NLRX1: variants seen among roughly 807,000 people sequenced by gnomAD.
The protein encoded by NLRX1 is NOD-like receptor X1.
Under a neutral mutation model 74.2 loss-of-function variants are expected in NLRX1, and 67 were observed. The ratio of observed to expected loss-of-function variants is 0.90; its 90% CI spans 0.74 to 1.11. NLRX1 has a LOEUF of 1.11. Ranked by LOEUF, NLRX1 falls within the 50% of genes least tolerant of loss-of-function variation. NLRX1 has a pLI of 0.00. For synonymous variants in NLRX1, 506 were observed against 559.1 expected, an observed-to-expected ratio of 0.91 and a Z score of 1.34; for missense variants, 1,191 against 1,305.4, an observed-to-expected ratio of 0.91 and a Z score of 1.35.
intron 5 of NLRX1, 45 bp downstream of exon 5, chr11:119,174,143 C>T (rs764851429): frequency 2.6e-5 from 42 of 1,592,530 alleles, no homozygotes; most frequent in Middle Eastern, 1.7e-4. Flanking sequence ...CCCGTTGACT[C>T]GCCCCCTAGG....
rs556391080 is a variant in NLRX1 at position 119,174,665 on chromosome 11, C to T, written c.1062C>T (p.Leu354=). 1.9e-6 allele frequency: 3 copies of T among 1,614,016 alleles called. No homozygotes were observed. The highest frequency in any genetic ancestry group is 1.6e-4 in the Middle Eastern group (1 of 6,062). ...AGCGTGACCACCTGGTGCAGATGCT[C>T]TCCCGGAACCTGGAGGGGCACCACC... ...PAQRDHLVQM[L]SRNLEGHHQI... is the part of the protein sequence containing the mutation. The change falls in exon 6 of 10, where the codon CTC becomes CTT. Residue 354 remains leucine (L), a synonymous_variant. Coordinates refer to ENST00000409109, the MANE Select transcript of NLRX1 (RefSeq NM_001282144.2).
At chr11:119,175,295 A>AC in intron 6 of NLRX1, 21 bp downstream of exon 6, 1 of 1,592,578 alleles carries the variant, frequency 6.3e-7, no homozygotes. Flanking sequence ...GATCAAGGTA[A>AC]CCCCCCAACC....
rs1948879748 is a variant in NLRX1 at position 119,183,005 on chromosome 11, C to T, written c.2607-113C>T. 1.1e-6 allele frequency: 1 copy of T among 930,300 alleles called. No individual in the cohort carries two copies. The highest frequency in any genetic ancestry group is 1.6e-5 in the African/African-American group (1 of 60,756). 57.6% of individuals were successfully genotyped at this position (930,300 alleles called of 1,614,324 possible). On this transcript the variant is annotated intron_variant, in intron 9 of 9. Coordinates refer to ENST00000409109, the MANE Select transcript of NLRX1 (RefSeq NM_001282144.2). This position sits in a 1 kb window ranked among gnomAD's most constrained non-coding sequence, Gnocchi z 5.7. Reference sequence around the variant, plus strand: ...CTGGCTCATTGCAGTTACCTGATCGCACTCTGCAGCCAGGAGATGAGTTGT... The same window carrying T: ...CTGGCTCATTGCAGTTACCTGATCGTACTCTGCAGCCAGGAGATGAGTTGT...
chr11:119,172,458 C>G (rs1456805391), intron 3 of NLRX1, 33 bp downstream of exon 3: 2 of 1,489,604 alleles, frequency 1.3e-6, no homozygotes, highest in African/African-American at 1.4e-5. Flanking sequence ...TAGGACTAGT[C>G]TGGGCACAAC....
At chr11:119,179,613 G>A in intron 6 of NLRX1, 80 bp from the exon 7 acceptor site, 1 of 1,118,764 alleles carries the variant, frequency 8.9e-7, no homozygotes, top group East Asian at 2.7e-5. Flanking sequence ...AGCAGTCATG[G>A]GAGTGTACCT....
At chr11:119,182,988 T>C (rs1003350114) in intron 9 of NLRX1, 130 bp from the exon 10 acceptor site, 53 of 747,448 alleles carry the variant, frequency 7.1e-5, no homozygotes, top group African/African-American at 5.8e-4. Context: ...CTCTGGCTCA[T>C]TGCAGTTACC....
Position 119,180,137 on chromosome 11 carries a change from G to A in NLRX1, c.2116G>A (p.Val706Met), listed in dbSNP as rs1197413126. Reference sequence around the variant, plus strand: ...CCTGCGTCAGCTCAACCTGGCAGGTGTGCGCATGACACCAGTCAAGTGCAC... The same window carrying A: ...CCTGCGTCAGCTCAACCTGGCAGGTATGCGCATGACACCAGTCAAGTGCAC... ...SSLRQLNLAG[V>M]RMTPVKCTVV... The change falls in exon 7 of 10, where the codon GTG (valine) becomes ATG (methionine). Residue 706 changes from valine (V) to methionine (M), a missense_variant. Physicochemically the swap from Val to Met is conservative, Grantham distance 21 (BLOSUM62 1). Transcript: ENST00000409109. 1.9e-6 allele frequency: 3 copies of A among 1,613,136 alleles called. No homozygotes were observed. Among genetic ancestry groups the A allele is most frequent in the Non-Finnish European group, 1.7e-6 (2 of 1,179,524 alleles).
chr11:119,171,008 TG>T (rs1948528342), intron 1 of NLRX1, among the ~76,000 whole-genome samples: 1 of 151,864 alleles, frequency 6.6e-6, no homozygotes. Context: ...CCCAGTGTGG[TG>T]GTGGGCGCCT....
rs17122736 is a variant in NLRX1 at position 119,179,240 on chromosome 11, T to C, written c.1672-453T>C. ...TCACCACCTCCTGGGTTTGAAAATG[T>C]ATCAGGGTGTTTGGGAAAGAGAAAG... is the stretch of plus-strand genomic sequence containing the variant. On this transcript the variant is annotated intron_variant, in intron 6 of 9. Transcript: ENST00000409109. 8.6e-3 allele frequency among the ~76,000 whole-genome samples: 1,304 copies of C among 152,290 alleles called. 21 individuals carry two copies. The highest frequency in any genetic ancestry group is 0.03 in the African/African-American group (1,229 of 41,562).
chr11:119,171,110 C>T (rs574227087), intron 1 of NLRX1, among the ~76,000 whole-genome samples: 2 of 151,986 alleles, frequency 1.3e-5, no homozygotes, highest in African/African-American at 4.8e-5. Context: ...GCCTGGGCAA[C>T]AGAGGGGCAC....
intron 9 of NLRX1, among the ~76,000 whole-genome samples, chr11:119,182,834 C>T (rs1948873677): frequency 6.6e-6 from 1 of 151,816 alleles, no homozygotes; most frequent in Admixed American, 6.6e-5. Context: ...TTGCAGTAAG[C>T]CGAGATCATG....
rs1433229242 is a variant in NLRX1, at chr11:119,182,242, C to T, written c.2503C>T (p.Arg835Trp). Residue 835 changes from arginine to tryptophan, a missense_variant, in exon 9 of 10, where the codon CGG becomes TGG. Coordinates refer to ENST00000409109, the MANE Select transcript of NLRX1 (RefSeq NM_001282144.2). ...GCTGGCTGCCCAGCTGGACCGCAAC[C>T]GGCAGCTGCAGGAGCTGAACGTGGC... The part of the protein sequence containing the change: ...ELLAAQLDRN[R>W]QLQELNVAYN... 2.1e-5 allele frequency: 34 copies of T among 1,613,744 alleles called. No homozygotes were observed. The highest frequency in any genetic ancestry group is 2.4e-5 in the Non-Finnish European group (28 of 1,180,040).
Position 119,183,043 on chromosome 11 carries a change from C to T in NLRX1, c.2607-75C>T. 1 of 1,367,036 alleles carries T rather than the reference C, an allele frequency of 7.3e-7. No individual in the cohort carries two copies. The highest frequency in any genetic ancestry group is 2.1e-5 in the Admixed American group (1 of 47,554). 84.7% of individuals were successfully genotyped at this position (1,367,036 alleles called of 1,614,324 possible). A position where few individuals can be genotyped will look rare whatever the true frequency, so the allele number is the denominator to read the frequency against. ...GGAGATGAGTTGTGAGGCCCCCTGA[C>T]TTTCCATCCATCTACCCTCGGGCCC... On this transcript the variant is annotated intron_variant, in intron 9 of 9. Coordinates refer to ENST00000409109, the MANE Select transcript of NLRX1 (RefSeq NM_001282144.2). This position sits in a 1 kb window ranked among gnomAD's most constrained non-coding sequence, Gnocchi z 5.7.
intron 6 of NLRX1, chr11:119,178,020 C>T (rs1171002607): frequency 1.1e-4 from 17 of 152,106 alleles, no homozygotes; most frequent in Admixed American, 1.1e-3. Context: ...AACATGAAAA[C>T]AAGCCAGGTG....
chr11:119,171,497 G>C (rs774906957), intron 2 of NLRX1, 24 bp downstream of exon 2: 19 of 1,565,870 alleles, frequency 1.2e-5, no homozygotes, highest in Non-Finnish European at 1.3e-5. Flanking sequence ...AGGGGTTTCT[G>C]TTTTTACCTC....
At chr11:119,178,754 G>A (rs761065404) in intron 6 of NLRX1, among the ~76,000 whole-genome samples, 25 of 150,906 alleles carry the variant, frequency 1.7e-4, no homozygotes, top group Non-Finnish European at 3.4e-4. Flanking sequence ...CCAGGCTGGA[G>A]TTCAGTGGTG....
In NLRX1 at chr11:119,173,493, C is replaced by T. The variant is rs769758811; in HGVS notation, c.244C>T (p.His82Tyr). The T allele has an allele frequency of 5.6e-6, 9 of 1,613,312 alleles. No individual in the cohort carries two copies. In the Admixed American group the frequency reaches 1.3e-4, roughly 24 times the overall value. Residue 82 changes from histidine (H) to tyrosine (Y), a missense_variant, in exon 5 of 10, where the codon CAC becomes TAC. Transcript: ENST00000409109. This position sits in a 1 kb window ranked among gnomAD's most constrained non-coding sequence, Gnocchi z 4.0. ...SASATEAIQR[H>Y]RRNLAEWFSR... The stretch of plus-strand genomic sequence containing the variant: ...TTCCCACTCAGAAGCTATACAGCGG[C>T]ACCGCCGGAACCTGGCTGAGTGGTT...
At chr11:119,178,266 C>T (rs1399369932) in intron 6 of NLRX1, among the ~76,000 whole-genome samples, 1 of 152,170 alleles carries the variant, frequency 6.6e-6, no homozygotes, top group Admixed American at 6.5e-5. Context: ...GAGGAATGAC[C>T]CTTCTTCCCT....
chr11:119,179,587 G>A, intron 6 of NLRX1, 106 bp from the exon 7 acceptor site: 2 of 924,830 alleles, frequency 2.2e-6, no homozygotes, highest in Non-Finnish European at 3.3e-6. Flanking sequence ...AGTTCAAGGG[G>A]AGATCACAGG....
Sources: allele counts gnomAD v4.1 joint callset (sites outside exome capture counted in the v4.1 genomes callset), GRCh38; gene constraint gnomAD v4.1.1; non-coding constraint Gnocchi (gnomAD v3.1); transcripts MANE v1.5; gene names NCBI Gene and HGNC (gene_info 2026-07-23, HGNC 2026-07-21).